MTNAP1: variants seen among roughly 807,000 people sequenced by gnomAD.
The protein encoded by MTNAP1 is mitochondrial nucleoid-associated protein 1.
chr17:73,243,049 T>A, the MTNAP1 span: 1 of 1,442,206 alleles, frequency 6.9e-7, no homozygotes, highest in Non-Finnish European at 9.6e-7. Flanking sequence ...TCCCATTCCG[T>A]TATGTGGACC....
chr17:73,242,830 A>G, the MTNAP1 span: 1 of 1,301,130 alleles, frequency 7.7e-7, no homozygotes, highest in South Asian at 1.3e-5. Flanking sequence ...GAAAACTTGA[A>G]TGACTCGCGG....
At chr17:73,239,784 G>T in the MTNAP1 span, among the ~76,000 whole-genome samples, 2 of 152,046 alleles carry the variant, frequency 1.3e-5, no homozygotes, top group African/African-American at 4.8e-5. Flanking sequence ...GCCTCCCAAA[G>T]TGCTGGGATT....
the MTNAP1 span, chr17:73,232,570 C>T: frequency 7.5e-6 from 3 of 402,162 alleles, no homozygotes; most frequent in African/African-American, 2.1e-5. Context: ...GAGTTGAATC[C>T]GTGTAACATA....
At chr17:73,243,079 T>TTTTTTTTTTC in the MTNAP1 span, 2 of 383,922 alleles carry the variant, frequency 5.2e-6, no homozygotes, top group African/African-American at 1.1e-4. Flanking sequence ...TTCTCTGAAT[T>TTTTTTTTTTC]TTTTTTTTTT....
the MTNAP1 span, chr17:73,247,321 T>A: frequency 9.3e-6 from 15 of 1,614,040 alleles, no homozygotes; most frequent in Non-Finnish European, 1.3e-5. Context: ...GGATTGCCGC[T>A]CTAAAACATG....
chr17:73,242,536 AATAACAGCTACCAT>A, the MTNAP1 span, among the ~76,000 whole-genome samples: 2 of 152,190 alleles, frequency 1.3e-5, no homozygotes, highest in Non-Finnish European at 1.5e-5. Flanking sequence ...CACCAAAGCT[AATAACAGCTACCAT>A]TTATTCAACA....
chr17:73,248,645 C>G, the MTNAP1 span: 2 of 1,099,938 alleles, frequency 1.8e-6, no homozygotes, highest in South Asian at 1.3e-5. Flanking sequence ...ACTGTCCATG[C>G]TTGAGAGGAC....
chr17:73,239,458 GCT>G, the MTNAP1 span, among the ~76,000 whole-genome samples: 2 of 151,770 alleles, frequency 1.3e-5, no homozygotes, highest in African/African-American at 2.4e-5. Flanking sequence ...CCTCATAACA[GCT>G]CTGAGTGACA....
the MTNAP1 span, among the ~76,000 whole-genome samples, chr17:73,243,948 A>C: frequency 6.6e-6 from 1 of 152,186 alleles, no homozygotes; most frequent in Non-Finnish European, 1.5e-5. Context: ...CATTGAAACC[A>C]AACACCTTTA....
At chr17:73,243,022 C>T in the MTNAP1 span, 1 of 1,586,044 alleles carries the variant, frequency 6.3e-7, no homozygotes, top group South Asian at 1.1e-5. Context: ...TTCTATATTT[C>T]TAGCCTAAAT....
the MTNAP1 span, among the ~76,000 whole-genome samples, chr17:73,235,130 G>T: frequency 2.0e-5 from 3 of 152,028 alleles, no homozygotes; most frequent in African/African-American, 7.3e-5. Flanking sequence ...GCTGAGACGA[G>T]AATTGCTTGA....
At chr17:73,243,101 T>A in the MTNAP1 span, 2 of 745,614 alleles carry the variant, frequency 2.7e-6, no homozygotes, top group Non-Finnish European at 4.4e-6. Flanking sequence ...TTTTTTTTTT[T>A]ACAGCTTTAC....
the MTNAP1 span, chr17:73,243,051 A>C: frequency 7.5e-7 from 1 of 1,329,530 alleles, no homozygotes; most frequent in Non-Finnish European, 1.1e-6. Context: ...CCATTCCGTT[A>C]TGTGGACCTC....
the MTNAP1 span, among the ~76,000 whole-genome samples, chr17:73,246,884 T>A: frequency 6.6e-6 from 1 of 152,202 alleles, no homozygotes; most frequent in Non-Finnish European, 1.5e-5. Flanking sequence ...GCCCATTCTC[T>A]GTGAATGCTC....
the MTNAP1 span, among the ~76,000 whole-genome samples, chr17:73,234,322 T>C: frequency 6.8e-4 from 24 of 35,174 alleles, no homozygotes; most frequent in East Asian, 0.029. Context: ...GGTATAAATG[T>C]TTTTTTTTTA....
chr17:73,247,106 G>T, the MTNAP1 span: 4 of 737,194 alleles, frequency 5.4e-6, no homozygotes, highest in South Asian at 7.0e-5. Flanking sequence ...TAGTCAAAAT[G>T]TACAAAAACA....
the MTNAP1 span, among the ~76,000 whole-genome samples, chr17:73,243,866 C>T: frequency 6.6e-6 from 1 of 152,104 alleles, no homozygotes; most frequent in East Asian, 1.9e-4. Flanking sequence ...GCTAAAAGGT[C>T]AGGTACCTAA....
the MTNAP1 span, chr17:73,248,889 T>C: frequency 8.8e-6 from 2 of 227,806 alleles, no homozygotes; most frequent in African/African-American, 4.6e-5. Flanking sequence ...CAGACTCTTT[T>C]ATACTTTATG....
chr17:73,235,198 T>C, the MTNAP1 span, among the ~76,000 whole-genome samples: 1 of 152,124 alleles, frequency 6.6e-6, no homozygotes, highest in Admixed American at 6.5e-5. Context: ...CCAGCCTGGG[T>C]GACAGAGTGA....
Sources: allele counts gnomAD v4.1 joint callset (sites outside exome capture counted in the v4.1 genomes callset), GRCh38; gene constraint gnomAD v4.1.1; transcripts MANE v1.5; gene names NCBI Gene and HGNC (gene_info 2026-07-23, HGNC 2026-07-21).